The following DLGAP2 variants were observed in gnomAD, a reference collection of about 807,000 sequenced individuals.
DLGAP2 encodes DLG associated protein 2, also known as disks large-associated protein 2.
DLGAP2 carries 26 observed loss-of-function variants against 100.3 expected under a neutral mutation model. The ratio of observed to expected loss-of-function variants is 0.26; its 90% CI spans 0.19 to 0.36. The LOEUF (loss-of-function observed/expected upper bound fraction) is 0.36, where lower values mean the gene tolerates loss of function less well. Among genes scored for constraint, DLGAP2 ranks in the 10% least tolerant of loss-of-function variants. DLGAP2 has a pLI of 1.00. For missense variants in DLGAP2, 1,858 were observed against 1,453.2 expected, an observed-to-expected ratio of 1.28 and a Z score of -4.53; for synonymous variants, 886 against 630.1, an observed-to-expected ratio of 1.41 and a Z score of -6.08.
At chr8:738,844 A>AGGC (rs1225101647) in intron 1 of DLGAP2, 1 of 152,360 alleles carries the variant, frequency 6.6e-6, no homozygotes, top group Admixed American at 6.6e-5. Context: ...GCCGGCGAGA[A>AGGC]GGCGGAGCCC....
chr8:1,514,490 T>C (rs1584973927), intron 4 of DLGAP2, among the ~76,000 whole-genome samples: 1 of 152,196 alleles, frequency 6.6e-6, no homozygotes, highest in African/African-American at 2.4e-5. Flanking sequence ...TGTTGGAGAA[T>C]ATAAAAGGAA....
At chr8:1,190,980 C>A (rs1275725227) in intron 2 of DLGAP2, among the ~76,000 whole-genome samples, 1 of 152,156 alleles carries the variant, frequency 6.6e-6, no homozygotes, top group Non-Finnish European at 1.5e-5. Flanking sequence ...GTGGGTGAGG[C>A]TTGGACCAAT....
intron 2 of DLGAP2, among the ~76,000 whole-genome samples, chr8:1,213,938 G>A (rs1047510444): frequency 6.6e-6 from 1 of 152,162 alleles, no homozygotes; most frequent in African/African-American, 2.4e-5. Context: ...ACAGTGAGCT[G>A]AGGTTGACGG....
intron 3 of DLGAP2, among the ~76,000 whole-genome samples, chr8:1,388,674 G>A (rs1294509199): frequency 1.1e-5 from 1 of 87,286 alleles, no homozygotes; most frequent in African/African-American, 4.1e-5. Flanking sequence ...GGAAGAGGAG[G>A]CGCTGGTTCA....
At chr8:1,438,801 A>G (rs143477167) in intron 3 of DLGAP2, among the ~76,000 whole-genome samples, 24 of 152,328 alleles carry the variant, frequency 1.6e-4, no homozygotes, top group African/African-American at 4.8e-4. Flanking sequence ...GCTGGTTGCT[A>G]TGGAAACTGC....
intron 1 of DLGAP2, among the ~76,000 whole-genome samples, chr8:742,010 A>G (rs1820499826): frequency 6.6e-6 from 1 of 152,216 alleles, no homozygotes; most frequent in Non-Finnish European, 1.5e-5. Context: ...GGTCCTGAGG[A>G]TGCTGTTGGA....
intron 2 of DLGAP2, among the ~76,000 whole-genome samples, chr8:1,039,147 T>G: frequency 7.1e-6 from 1 of 140,020 alleles, no homozygotes; most frequent in Non-Finnish European, 1.5e-5. Flanking sequence ...AAGTGACCCA[T>G]GTGGAAATGC....
intron 8 of DLGAP2, among the ~76,000 whole-genome samples, chr8:1,635,868 G>A (rs1251101031): frequency 1.3e-5 from 2 of 152,206 alleles, no homozygotes; most frequent in African/African-American, 2.4e-5. Flanking sequence ...TTGGTTTGGG[G>A]ACACCCCAGT....
intron 2 of DLGAP2, 127 bp downstream of exon 2, chr8:908,093 T>C (rs936632424): frequency 5.1e-6 from 2 of 393,490 alleles, no homozygotes; most frequent in Non-Finnish European, 9.0e-6. Flanking sequence ...TAGTGCAAGA[T>C]TGCGTATTAA....
At chr8:1,173,210 G>A (rs555025903) in intron 2 of DLGAP2, among the ~76,000 whole-genome samples, 25 of 152,258 alleles carry the variant, frequency 1.6e-4, no homozygotes, top group African/African-American at 4.6e-4. Flanking sequence ...TTCGTGAACC[G>A]CGAATGCTGC....
In DLGAP2 at chr8:1,668,558, C is replaced by G; in HGVS notation, c.2040C>G (p.Ala680=). Residue 680 remains alanine, a synonymous_variant, in exon 9 of 15, where the codon GCC becomes GCG. Transcript: ENST00000637795. ...NKAMNLALET[A]AAQRHLPESQ... ...CCATGAACCTCGCGCTGGAAACGGC[C>G]GCTGCCCAGCGCCACCTGCCAGAGA... 2 of 1,589,044 alleles carry G rather than the reference C, an allele frequency of 1.3e-6. No individual in the cohort carries two copies. The highest frequency in any genetic ancestry group is 1.7e-6 in the Non-Finnish European group (2 of 1,169,180).
At chr8:1,310,648 T>TTTTTTTG (rs538329644) in intron 3 of DLGAP2, among the ~76,000 whole-genome samples, 11 of 152,164 alleles carry the variant, frequency 7.2e-5, no homozygotes, top group Non-Finnish European at 1.5e-4. Context: ...AAGTTGGGTT[T>TTTTTTTG]TTTTTTGTTT....
intron 2 of DLGAP2, among the ~76,000 whole-genome samples, chr8:1,075,137 T>A (rs1309088687): frequency 6.6e-6 from 1 of 152,144 alleles, no homozygotes; most frequent in Non-Finnish European, 1.5e-5. Context: ...CTCAATGGAG[T>A]TCACCACTTG....
intron 1 of DLGAP2, among the ~76,000 whole-genome samples, chr8:876,383 G>T (rs1797687411): frequency 6.6e-6 from 1 of 152,108 alleles, no homozygotes; most frequent in Admixed American, 6.6e-5. Flanking sequence ...CATTTTTGAA[G>T]AATAGGTTTT....
chr8:1,319,761 C>A (rs1471462197), intron 3 of DLGAP2, among the ~76,000 whole-genome samples: 1 of 152,238 alleles, frequency 6.6e-6, no homozygotes, highest in South Asian at 2.1e-4. Context: ...GGACAGTTTC[C>A]AGGCAGGGAG....
At chr8:1,695,212 T>G (rs1393444659) in intron 13 of DLGAP2, among the ~76,000 whole-genome samples, 2 of 151,856 alleles carry the variant, frequency 1.3e-5, no homozygotes, top group African/African-American at 4.8e-5. Context: ...TGCCCGGCCC[T>G]ACAGAAAGAG....
intron 3 of DLGAP2, among the ~76,000 whole-genome samples, chr8:1,497,576 C>A (rs1314323977): frequency 1.3e-5 from 2 of 152,208 alleles, no homozygotes; most frequent in Non-Finnish European, 2.9e-5. Flanking sequence ...TCTCTTTAAG[C>A]ATAGATAAGG....
chr8:1,242,732 A>G (rs1256351504), intron 2 of DLGAP2, among the ~76,000 whole-genome samples: 1 of 152,178 alleles, frequency 6.6e-6, no homozygotes, highest in Non-Finnish European at 1.5e-5. Flanking sequence ...GGATGGATGT[A>G]TGTATGGACA....
At chr8:1,058,910 A>G (rs1802965153) in intron 2 of DLGAP2, among the ~76,000 whole-genome samples, 1 of 152,176 alleles carries the variant, frequency 6.6e-6, no homozygotes, top group South Asian at 2.1e-4. Context: ...ACCTCAAAAG[A>G]CCTCATCAAA....
Sources: allele counts gnomAD v4.1 joint callset (sites outside exome capture counted in the v4.1 genomes callset), GRCh38; gene constraint gnomAD v4.1.1; transcripts MANE v1.5; gene names NCBI Gene and HGNC (gene_info 2026-07-23, HGNC 2026-07-21).